UGT3A1: variants seen among roughly 807,000 people sequenced by gnomAD.
UGT3A1 encodes the protein UDP-glycosyltransferase 3A1.
Under a neutral mutation model 37.6 loss-of-function variants are expected in UGT3A1, and 40 were observed. That is an observed-to-expected ratio of 1.06 (90% CI 0.83 to 1.38). UGT3A1 has a LOEUF of 1.38. UGT3A1 is among the 40% of genes most tolerant of loss of function. The pLI is 0.00. For missense variants in UGT3A1, 642 were observed against 634.2 expected, an observed-to-expected ratio of 1.01 and a Z score of -0.13; for synonymous variants, 256 against 232.3, an observed-to-expected ratio of 1.10 and a Z score of -0.93.
rs564951510 is a variant in UGT3A1, at chr5:35,954,345, G to A, written c.1429C>T (p.Gln477Ter). The A allele has an allele frequency of 2.9e-5, 47 of 1,614,208 alleles. No homozygotes were observed. In the South Asian group the frequency reaches 3.0e-4, roughly 10 times the overall value. ...GATHLKPYAF[Q>*]QPWHEQYLID... ...AGGTACTGCTCATGCCAAGGCTGCT[G>A]GAAGGCATAGGGCTTGAGGTGCGTC... Residue 477 changes from glutamine to a stop codon, truncating the protein, a stop_gained, in exon 7 of 7, where the codon CAG (glutamine) becomes TAG (stop). Transcript: ENST00000274278. LOFTEE classifies it low-confidence loss of function (END_TRUNC).
At chr5:35,997,489 G>T (rs1336202834) in intron 1 of UGT3A1, among the ~76,000 whole-genome samples, 1 of 151,680 alleles carries the variant, frequency 6.6e-6, no homozygotes, top group Non-Finnish European at 1.5e-5. Flanking sequence ...GTGCAATGGT[G>T]GATCTCGCCT....
intron 1 of UGT3A1, among the ~76,000 whole-genome samples, chr5:35,998,569 G>A (rs1028157357): frequency 2.6e-5 from 4 of 152,204 alleles, no homozygotes; most frequent in South Asian, 2.1e-4. Context: ...GGGACTTTTC[G>A]ACAAAATCCC....
Position 35,957,227 on chromosome 5 carries a change from C to T in UGT3A1, c.1036G>A (p.Val346Met), listed in dbSNP as rs1739389534. 1 of 1,614,188 alleles carries T rather than the reference C, an allele frequency of 6.2e-7. No homozygotes were observed. Among genetic ancestry groups the T allele is most frequent in the Non-Finnish European group, 8.5e-7 (1 of 1,180,028 alleles). The change falls in exon 5 of 7, where the codon GTG becomes ATG. Residue 346 changes from valine to methionine, a missense_variant. Coordinates refer to ENST00000274278, the MANE Select transcript of UGT3A1 (RefSeq NM_152404.4). ...WPRDVHLATN[V>M]KIVDWLPQSD... ...TGAGGAAGCCAGTCCACAATTTTCA[C>T]ATTTGTGGCCAAATGAACATCTCTG...
At chr5:35,982,574 C>T (rs1740569857) in intron 2 of UGT3A1, among the ~76,000 whole-genome samples, 1 of 152,208 alleles carries the variant, frequency 6.6e-6, no homozygotes, top group Admixed American at 6.5e-5. Flanking sequence ...CTCATGGTAT[C>T]TTGGAAGTAA....
In UGT3A1 at chr5:35,957,258, A is replaced by G; in HGVS notation, c.1005T>C (p.His335=). The change falls in exon 5 of 7, where the codon CAT becomes CAC. Residue 335 remains histidine, a synonymous_variant. Transcript: ENST00000274278. ...QGVIWTCQSS[H]WPRDVHLATN... Reference sequence around the variant, plus strand: ...TGGCCAAATGAACATCTCTGGGCCAATGAGAACTCTGACATGTCCATATCA... The same window carrying G: ...TGGCCAAATGAACATCTCTGGGCCAGTGAGAACTCTGACATGTCCATATCA... 6.2e-7 allele frequency: 1 copy of G among 1,614,190 alleles called. No individual in the cohort carries two copies. The highest frequency in any genetic ancestry group is 8.5e-7 in the Non-Finnish European group (1 of 1,180,024).
intron 4 of UGT3A1, chr5:35,961,493 T>G (rs989155390): frequency 9.2e-5 from 14 of 152,244 alleles, no homozygotes; most frequent in African/African-American, 2.9e-4. Context: ...GTGAAAATAC[T>G]AAAACCATTC....
chr5:35,983,042 G>A (rs1740590979), intron 2 of UGT3A1, among the ~76,000 whole-genome samples: 1 of 152,076 alleles, frequency 6.6e-6, no homozygotes, highest in African/African-American at 2.4e-5. Flanking sequence ...AGGCCTCCCA[G>A]CCATGCTTCC....
intron 2 of UGT3A1, among the ~76,000 whole-genome samples, chr5:35,977,073 GAAAA>G (rs769707931): frequency 1.7e-4 from 21 of 122,430 alleles, no homozygotes; most frequent in Non-Finnish European, 3.0e-4. Flanking sequence ...GAGAAAGAAA[GAAAA>G]GAAAGAAAGA....
At chr5:35,965,987 A>G (rs1739794681) in intron 3 of UGT3A1, 70 bp from the exon 4 acceptor site, 2 of 1,215,360 alleles carry the variant, frequency 1.6e-6, no homozygotes, top group South Asian at 3.6e-5. Flanking sequence ...AGAATGTTAG[A>G]CTCAAAAAAA....
Position 35,954,851 on chromosome 5 carries a change from T to C in UGT3A1, c.1296-373A>G, listed in dbSNP as rs543444658. The C allele has an allele frequency of 2.5e-5, 5 of 200,692 alleles. No individual in the cohort carries two copies. The South Asian group carries it at 4.8e-4, about 19-fold the overall frequency. 12.4% of individuals were successfully genotyped at this position (200,692 alleles called of 1,614,324 possible). ...AGGGTTTGTGTTTCTGAAACCATAA[T>C]AAGGTATTCAGTCCTTCTTGATTAT... is the stretch of plus-strand genomic sequence containing the variant. On this transcript the variant is annotated intron_variant, in intron 6 of 6. Transcript: ENST00000274278.
At chr5:35,985,081 A>T (rs963770555) in intron 2 of UGT3A1, among the ~76,000 whole-genome samples, 10 of 143,276 alleles carry the variant, frequency 7.0e-5, no homozygotes, top group South Asian at 6.6e-4. Flanking sequence ...ATAAAATATA[A>T]AAAAAAAAAA....
chr5:35,974,106 C>A (rs1740161117), intron 2 of UGT3A1, among the ~76,000 whole-genome samples: 1 of 152,052 alleles, frequency 6.6e-6, no homozygotes, highest in African/African-American at 2.4e-5. Flanking sequence ...GGGAAAAGAC[C>A]CCACTACACT....
chr5:35,957,109 C>G, intron 5 of UGT3A1, 79 bp downstream of exon 5: 1 of 1,240,936 alleles, frequency 8.1e-7, no homozygotes, highest in East Asian at 2.3e-5. Flanking sequence ...GATACAAATG[C>G]CCAGCTAGAG....
At chr5:35,975,083 A>T (rs1291889283) in intron 2 of UGT3A1, among the ~76,000 whole-genome samples, 1 of 152,228 alleles carries the variant, frequency 6.6e-6, no homozygotes, top group Non-Finnish European at 1.5e-5. Flanking sequence ...TCAGCAGACA[A>T]GAACTTTAAT....
chr5:35,965,346 T>C, intron 4 of UGT3A1, 40 bp downstream of exon 4: 1 of 1,595,892 alleles, frequency 6.3e-7, no homozygotes, highest in East Asian at 2.2e-5. Context: ...ACCCAAGGAC[T>C]CTATGTGAAT....
chr5:35,979,654 C>T (rs533839932), intron 2 of UGT3A1, among the ~76,000 whole-genome samples: 83 of 152,346 alleles, frequency 5.4e-4, no homozygotes, highest in Non-Finnish European at 6.6e-4. Flanking sequence ...CTGTTCCAAC[C>T]TCTGCCTGTT....
chr5:36,000,208 C>T (rs1181475664), intron 1 of UGT3A1, among the ~76,000 whole-genome samples: 1 of 152,164 alleles, frequency 6.6e-6, no homozygotes, highest in Non-Finnish European at 1.5e-5. Flanking sequence ...TTAACTGTCC[C>T]CTTATGAAAT....
chr5:35,964,495 A>G (rs1363580098), intron 4 of UGT3A1, among the ~76,000 whole-genome samples: 2 of 151,680 alleles, frequency 1.3e-5, no homozygotes, highest in Non-Finnish European at 1.5e-5. Flanking sequence ...TCATTCCCCA[A>G]CTCTTCCTGT....
chr5:35,967,023 A>G (rs950834930), intron 3 of UGT3A1, among the ~76,000 whole-genome samples: 2 of 152,250 alleles, frequency 1.3e-5, no homozygotes, highest in African/African-American at 4.8e-5. Context: ...TCCCAAAAGT[A>G]TAACATTAAT....
Sources: gnomAD v4.1 joint callset for allele counts (sites outside exome capture counted in the v4.1 genomes callset) on GRCh38, gnomAD v4.1.1 for gene constraint, MANE v1.5 for transcripts, NCBI Gene and HGNC (gene_info 2026-07-23, HGNC 2026-07-21) for gene names.